NUDT3: variants seen among roughly 807,000 people sequenced by gnomAD.
NUDT3 encodes the protein nudix hydrolase 3, also known as diphosphoinositol polyphosphate phosphohydrolase 1.
Under a neutral mutation model 23.6 loss-of-function variants are expected in NUDT3, and 9 were observed. The observed-to-expected ratio is 0.38, with a 90% CI of 0.23 to 0.66. The LOEUF is 0.66. Ranked by LOEUF, NUDT3 falls within the 30% of genes least tolerant of loss-of-function variation. The pLI is 0.52. For synonymous variants in NUDT3, 86 were observed against 82.6 expected, an observed-to-expected ratio of 1.04 and a Z score of -0.22; for missense variants, 172 against 218.5, an observed-to-expected ratio of 0.79 and a Z score of 1.34.
chr6:34,340,996 T>C (rs1764279911), intron 2 of NUDT3, among the ~76,000 whole-genome samples: 1 of 152,216 alleles, frequency 6.6e-6, no homozygotes, highest in Admixed American at 6.5e-5. Flanking sequence ...TTAGACTTGT[T>C]GTAAGTGCTT....
chr6:34,387,039 G>A (rs1765117858), intron 1 of NUDT3, among the ~76,000 whole-genome samples: 1 of 152,152 alleles, frequency 6.6e-6, no homozygotes, highest in Non-Finnish European at 1.5e-5. Flanking sequence ...AAGCCCAGAA[G>A]GTCAAGGCTG....
chr6:34,304,037 G>C lies in NUDT3; in HGVS notation c.211-8352C>G, dbSNP rs533406259. On this transcript the variant is annotated intron_variant, in intron 2 of 4. Transcript: ENST00000607016. ...GAAAGCCGAGGCAGGTGGATTACCA[G>C]AGGTCAGGAGTTCGAGAGTAGCCTG... Among the ~76,000 whole-genome samples the C allele has an allele frequency of 3.7e-4, 57 of 152,280 alleles. 1 individual carries two copies. The highest frequency in any genetic ancestry group is 3.4e-3 in the Middle Eastern group (1 of 294).
At chr6:34,307,035 G>A (rs534629307) in intron 2 of NUDT3, among the ~76,000 whole-genome samples, 1 of 152,258 alleles carries the variant, frequency 6.6e-6, no homozygotes, top group Admixed American at 6.5e-5. Context: ...TCTATTAAAA[G>A]CAAGATACTC....
intron 2 of NUDT3, among the ~76,000 whole-genome samples, chr6:34,297,759 A>ATTTTTTT (rs60517827): frequency 7.0e-5 from 5 of 71,108 alleles, no homozygotes; most frequent in African/African-American, 2.6e-4. Context: ...ATATATATAT[A>ATTTTTTT]ATTTTTTTTT....
chr6:34,322,465 G>A (rs1021256472), intron 2 of NUDT3, among the ~76,000 whole-genome samples: 1 of 152,126 alleles, frequency 6.6e-6, no homozygotes, highest in East Asian at 1.9e-4. Context: ...TCCTGACCTT[G>A]TGATCCGCCC....
intron 2 of NUDT3, among the ~76,000 whole-genome samples, chr6:34,319,128 A>T (rs1389844020): frequency 1.3e-5 from 2 of 152,150 alleles, no homozygotes; most frequent in African/African-American, 4.8e-5. Context: ...CTCACACCAA[A>T]CAATCAACAC....
intron 2 of NUDT3, among the ~76,000 whole-genome samples, chr6:34,299,438 C>A (rs1286772042): frequency 6.6e-6 from 1 of 151,498 alleles, no homozygotes; most frequent in Non-Finnish European, 1.5e-5. Context: ...TACCCTTTTT[C>A]TTTTTTTTAA....
At chr6:34,356,976 A>C (rs904039653) in intron 1 of NUDT3, among the ~76,000 whole-genome samples, 1 of 152,036 alleles carries the variant, frequency 6.6e-6, no homozygotes, top group African/African-American at 2.4e-5. Context: ...ACAGGGTTTC[A>C]CCGTGTTAGC....
chr6:34,344,440 A>G (rs1764333767), intron 1 of NUDT3, among the ~76,000 whole-genome samples: 1 of 152,250 alleles, frequency 6.6e-6, no homozygotes, highest in Non-Finnish European at 1.5e-5. Flanking sequence ...CCAGGCACAG[A>G]AGGCCACATA....
At chr6:34,333,368 T>C (rs1239664130) in intron 2 of NUDT3, among the ~76,000 whole-genome samples, 3 of 152,224 alleles carry the variant, frequency 2.0e-5, no homozygotes, top group Non-Finnish European at 4.4e-5. Context: ...AACTACTGAA[T>C]AATCTCAATC....
At position 34,358,934 on chromosome 6, in the gene NUDT3, C is replaced by T. The variant is rs1764604893; in HGVS notation, c.100-16962G>A. On this transcript the variant is annotated intron_variant, in intron 1 of 4. Coordinates refer to ENST00000607016, the MANE Select transcript of NUDT3 (RefSeq NM_006703.4). ...AAATATTTTTATGTAATTTCAAGTA[C>T]TATGTCACAAATTTTTGTGTTCTGA... 2.6e-5 allele frequency among the ~76,000 whole-genome samples: 4 copies of T among 152,296 alleles called. 1 individual carries two copies. The South Asian group carries it at 8.3e-4, about 32-fold the overall frequency.
intron 1 of NUDT3, among the ~76,000 whole-genome samples, chr6:34,388,444 A>T (rs928154163): frequency 2.0e-5 from 3 of 152,162 alleles, no homozygotes; most frequent in Non-Finnish European, 4.4e-5. Context: ...GTGCCCATTA[A>T]AATTTTTTTT....
chr6:34,353,953 A>G (rs1317907169), intron 1 of NUDT3, among the ~76,000 whole-genome samples: 1 of 150,970 alleles, frequency 6.6e-6, no homozygotes, highest in African/African-American at 2.4e-5. Flanking sequence ...CCCAAGCTGG[A>G]GTGCAATGGC....
intron 2 of NUDT3, among the ~76,000 whole-genome samples, chr6:34,311,674 C>T (rs1763775035): frequency 6.6e-6 from 1 of 152,114 alleles, no homozygotes; most frequent in South Asian, 2.1e-4. Flanking sequence ...TCAAGACTTA[C>T]TATAATGCTA....
intron 1 of NUDT3, among the ~76,000 whole-genome samples, chr6:34,378,855 T>C (rs988417997): frequency 7.2e-5 from 11 of 152,170 alleles, no homozygotes; most frequent in African/African-American, 2.7e-4. Context: ...AATCAATCAT[T>C]CAATACACTC....
intron 2 of NUDT3, 98 bp downstream of exon 2, chr6:34,341,764 A>G (rs1764291022): frequency 2.9e-6 from 3 of 1,021,140 alleles, no homozygotes; most frequent in South Asian, 1.8e-5. Flanking sequence ...CTGTGACTGT[A>G]TATTTATTCA....
rs1248811466 is a variant in NUDT3 at position 34,280,204 on chromosome 6, T to C, written c.*8549A>G. 6.6e-6 allele frequency: 1 copy of C among 152,048 alleles called. No individual in the cohort carries two copies. The highest frequency in any genetic ancestry group is 1.5e-5 in the Non-Finnish European group (1 of 68,032). The allele number at this position is 152,048 out of a possible 1,614,324, so 9.4% of individuals were successfully genotyped here. Reference sequence around the variant, plus strand: ...CCGCCTTCTCTGGACCAAATTTCACTCCCCTCAGCTCCAGAGAGTGCTGCA... The same window carrying C: ...CCGCCTTCTCTGGACCAAATTTCACCCCCCTCAGCTCCAGAGAGTGCTGCA... On this transcript the variant is annotated 3_prime_UTR_variant, in exon 5 of 5. Transcript: ENST00000607016.
In NUDT3 at chr6:34,285,474, C is replaced by T. The variant is rs1306536982; in HGVS notation, c.*3279G>A. On this transcript the variant is annotated 3_prime_UTR_variant, in exon 5 of 5. Transcript: ENST00000607016. ...AGTTTGGTAGACTTTAATGGATGCT[C>T]CAGCAATAACCAGAATCTAGGACAT... is the stretch of plus-strand genomic sequence containing the variant. 1 of 152,154 alleles carries T rather than the reference C, an allele frequency of 6.6e-6. No individual in the cohort carries two copies. Among genetic ancestry groups the T allele is most frequent in the Admixed American group, 6.5e-5 (1 of 15,280 alleles). 9.4% of individuals were successfully genotyped at this position (152,154 alleles called of 1,614,324 possible). A position where few individuals can be genotyped will look rare whatever the true frequency, so the allele number is the denominator to read the frequency against.
intron 2 of NUDT3, among the ~76,000 whole-genome samples, chr6:34,303,359 C>T (rs192738298): frequency 1.3e-5 from 2 of 151,894 alleles, no homozygotes; most frequent in East Asian, 3.9e-4. Flanking sequence ...ATAATAGTTC[C>T]TGTTGTTTTT....
Sources: gnomAD v4.1 joint callset for allele counts (sites outside exome capture counted in the v4.1 genomes callset) on GRCh38, gnomAD v4.1.1 for gene constraint, MANE v1.5 for transcripts, NCBI Gene and HGNC (gene_info 2026-07-23, HGNC 2026-07-21) for gene names.